DGAT2: variants seen among roughly 807,000 people sequenced by gnomAD.
DGAT2 encodes acyl-CoA retinol O-fatty-acyltransferase.
In DGAT2, 33 loss-of-function variants were observed where a neutral mutation model predicts 48.4. The ratio of observed to expected loss-of-function variants is 0.68; its 90% confidence interval spans 0.52 to 0.91. The LOEUF (loss-of-function observed/expected upper bound fraction) is 0.91, where lower values mean the gene tolerates loss of function less well. DGAT2 is among the 40% of genes least tolerant of loss of function. DGAT2 has a pLI of 0.00. For missense variants in DGAT2, 446 were observed against 493.7 expected (o/e 0.90, Z 0.92); for synonymous variants, 191 against 194.1 (o/e 0.98, Z 0.13).
chr11:75,773,220 C>T (rs191229123), intron 1 of DGAT2, among the ~76,000 whole-genome samples: 1 of 152,358 alleles, frequency 6.6e-6, no homozygotes, highest in East Asian at 1.9e-4. Context: ...TGGGCCTCCT[C>T]TGTCCCTGTA....
In DGAT2 at chr11:75,768,780, C is replaced by A. The variant is rs570891875; in HGVS notation, c.-212C>A. On this transcript the variant is annotated 5_prime_UTR_variant, in exon 1 of 8. Transcript: ENST00000228027. ...GTGTTGCGCTCCGGGACGCCAGCGCCGCGGCTGCCGCCTCTGCTGGGGTCT... is the reference window on the plus strand; with the variant it reads ...GTGTTGCGCTCCGGGACGCCAGCGCAGCGGCTGCCGCCTCTGCTGGGGTCT... 6.3e-5 allele frequency: 31 copies of A among 491,444 alleles called. No individual in the cohort carries two copies. The highest frequency in any genetic ancestry group is 5.8e-4 in the African/African-American group (29 of 49,884). The allele number at this position is 491,444 out of a possible 1,614,324, so 30.4% of individuals were successfully genotyped here. A position where few individuals can be genotyped will look rare whatever the true frequency, so the allele number is the denominator to read the frequency against.
intron 1 of DGAT2, among the ~76,000 whole-genome samples, chr11:75,770,975 T>A (rs1590861216): frequency 6.6e-6 from 1 of 152,306 alleles, no homozygotes; most frequent in East Asian, 1.9e-4. Context: ...TAGACCTGCC[T>A]TCTAGATCCT....
chr11:75,786,776 G>A (rs924472393), intron 2 of DGAT2, among the ~76,000 whole-genome samples: 14 of 152,290 alleles, frequency 9.2e-5, no homozygotes, highest in Middle Eastern at 3.4e-3. Flanking sequence ...AGCAAAGACC[G>A]TGGTGGCCCT....
At chr11:75,769,278 T>G (rs1944732600) in intron 1 of DGAT2, among the ~76,000 whole-genome samples, 166 bp downstream of exon 1, 1 of 152,164 alleles carries the variant, frequency 6.6e-6, no homozygotes, top group South Asian at 2.1e-4. Flanking sequence ...CCAGCTTGTT[T>G]CCCTCATCCG....
rs966019351 is a variant in DGAT2 at position 75,798,279 on chromosome 11, G to A, written c.862G>A (p.Val288Met). The A allele has an allele frequency of 1.9e-6, 3 of 1,614,084 alleles. No homozygotes were observed. Among genetic ancestry groups the A allele is most frequent in the African/African-American group, 1.3e-5 (1 of 74,932 alleles). ...TGGAGAGAATGAAGTGTACAAGCAG[G>A]TGATCTTCGAGGAGGGCTCCTGGGG... is the stretch of plus-strand genomic sequence containing the variant. ...SFGENEVYKQVIFEEGSWGRW... is the reference protein window; with the variant it reads ...SFGENEVYKQMIFEEGSWGRW... The change falls in exon 7 of 8, where the codon GTG becomes ATG. Residue 288 changes from valine to methionine, a missense_variant. Transcript: ENST00000228027.
chr11:75,790,429 G>T (rs78326439), intron 3 of DGAT2, 134 bp downstream of exon 3: 17,193 of 862,754 alleles, frequency 0.02, 220 homozygotes, highest in Non-Finnish European at 0.026. Flanking sequence ...TAGTCCTTTT[G>T]GGGGGAGGTT....
chr11:75,798,788 G>A (rs1945083489), intron 7 of DGAT2, among the ~76,000 whole-genome samples: 1 of 152,174 alleles, frequency 6.6e-6, no homozygotes, highest in East Asian at 1.9e-4. Context: ...CAGGGAGGAG[G>A]TAACTCTTGC....
intron 1 of DGAT2, chr11:75,776,108 A>AC (rs1179245701): frequency 6.6e-6 from 1 of 151,842 alleles, no homozygotes; most frequent in Non-Finnish European, 1.5e-5. Context: ...CCCGACATTA[A>AC]CCACCCTCCA....
At position 75,768,949 on chromosome 11, in the gene DGAT2, T is replaced by G; in HGVS notation, c.-43T>G. 7.0e-7 allele frequency: 1 copy of G among 1,432,810 alleles called. No individual in the cohort carries two copies. The highest frequency in any genetic ancestry group is 2.9e-5 in the East Asian group (1 of 34,650). 88.8% of individuals were successfully genotyped at this position (1,432,810 alleles called of 1,614,324 possible). ...CGGGGCATGGGCCAGGGGCGCGGGG[T>G]GAAGCGGCTTCCCGCGGGGCCGTGA... On this transcript the variant is annotated 5_prime_UTR_variant, in exon 1 of 8. Transcript: ENST00000228027.
intron 1 of DGAT2, among the ~76,000 whole-genome samples, chr11:75,783,257 T>C (rs973645473): frequency 6.6e-6 from 1 of 152,190 alleles, no homozygotes; most frequent in African/African-American, 2.4e-5. Flanking sequence ...GTTTGACTCT[T>C]CTGCTAAACT....
intron 1 of DGAT2, among the ~76,000 whole-genome samples, chr11:75,771,201 G>A (rs1050842504): frequency 1.3e-5 from 2 of 152,182 alleles, no homozygotes; most frequent in African/African-American, 2.4e-5. Context: ...ATGGGTAGGT[G>A]GGTGCATGCT....
At position 75,791,487 on chromosome 11, in the gene DGAT2, G is replaced by T. The variant is rs116777539; in HGVS notation, c.429+756G>T. Among the ~76,000 whole-genome samples, 989 of 152,280 alleles carry T rather than the reference G, an allele frequency of 6.5e-3. 16 individuals are homozygous for T. The highest frequency in any genetic ancestry group is 0.021 in the African/African-American group (868 of 41,546). On this transcript the variant is annotated intron_variant, in intron 4 of 7. Coordinates refer to ENST00000228027, the MANE Select transcript of DGAT2 (RefSeq NM_032564.5). ...AAGCTGTTTTTGTTGGGAGAAAGTT[G>T]CATCATAGGACCCAACCCTCTAATT...
rs563072331 is a variant in DGAT2, at chr11:75,775,469, G to A, written c.121+6357G>A. Among the ~76,000 whole-genome samples, 14 of 152,332 alleles carry A rather than the reference G, an allele frequency of 9.2e-5. No individual in the cohort carries two copies. In the East Asian group the frequency reaches 1.9e-3, roughly 21 times the overall value. On this transcript the variant is annotated intron_variant, in intron 1 of 7. Transcript: ENST00000228027. The stretch of plus-strand genomic sequence containing the variant: ...ATTTGCAAAACAGAACCGTTAAAGC[G>A]AATTGTTAATCTTTTCAGAAAAGAA...
intron 2 of DGAT2, among the ~76,000 whole-genome samples, chr11:75,789,928 C>T (rs1295256875): frequency 6.6e-6 from 1 of 152,184 alleles, no homozygotes; most frequent in South Asian, 2.1e-4. Flanking sequence ...GTGCTCCTGT[C>T]CAGATAACAT....
rs545049048 is a variant in DGAT2 at position 75,784,080 on chromosome 11, G to A, written c.122-538G>A. Reference sequence around the variant, plus strand: ...GTGGTGTTGGGGGTGGGGGCAAGAGGGTTCAGCTCCTTGGAGAAGGGGTAT... The same window carrying A: ...GTGGTGTTGGGGGTGGGGGCAAGAGAGTTCAGCTCCTTGGAGAAGGGGTAT... On this transcript the variant is annotated intron_variant, in intron 1 of 7. Transcript: ENST00000228027. Among the ~76,000 whole-genome samples, 10 of 152,210 alleles carry A rather than the reference G, an allele frequency of 6.6e-5. No individual in the cohort carries two copies. The South Asian group carries it at 1.9e-3, about 28-fold the overall frequency.
chr11:75,769,030 C>T lies in DGAT2; in HGVS notation c.39C>T (p.Arg13=), dbSNP rs1291645209. 1.9e-6 allele frequency: 3 copies of T among 1,576,128 alleles called. No individual in the cohort carries two copies. Among genetic ancestry groups the T allele is most frequent in the Admixed American group, 1.8e-5 (1 of 55,704 alleles). ...TAGCCGCCTACTCCGGGGTCCTGCGCGGCGAGCGTCAGGCCGAGGCTGACC... is the reference window on the plus strand; with the variant it reads ...TAGCCGCCTACTCCGGGGTCCTGCGTGGCGAGCGTCAGGCCGAGGCTGACC... ...TLIAAYSGVL[R]GERQAEADRS... Residue 13 remains arginine, a synonymous_variant, in exon 1 of 8, where the codon CGC becomes CGT. Transcript: ENST00000228027.
chr11:75,790,182 C>T lies in DGAT2; in HGVS notation c.251-6C>T, dbSNP rs1358142297. On this transcript the variant is annotated splice_region_variant and splice_polypyrimidine_tract_variant and intron_variant, in intron 2 of 7. Coordinates refer to ENST00000228027, the MANE Select transcript of DGAT2 (RefSeq NM_032564.5). ...AGGACCTGACCTGTGGCCATCTGCC[C>T]CCCAGGAGTGGCCTGCAGTGCCATC... 2.5e-6 allele frequency: 4 copies of T among 1,610,694 alleles called. No individual in the cohort carries two copies. The highest frequency in any genetic ancestry group is 3.3e-5 in the Admixed American group (2 of 60,022).
At chr11:75,773,243 A>G (rs1451532483) in intron 1 of DGAT2, among the ~76,000 whole-genome samples, 1 of 152,126 alleles carries the variant, frequency 6.6e-6, no homozygotes, top group Non-Finnish European at 1.5e-5. Context: ...CACCTGTGCT[A>G]GGGACTGGGT....
At chr11:75,790,415 G>A in intron 3 of DGAT2, 120 bp downstream of exon 3, 1 of 921,214 alleles carries the variant, frequency 1.1e-6, no homozygotes, top group Non-Finnish European at 1.7e-6. Context: ...GAAAAGCACT[G>A]GACTAGTCCT....
Sources: allele counts gnomAD v4.1 joint callset (sites outside exome capture counted in the v4.1 genomes callset), GRCh38; gene constraint gnomAD v4.1.1; transcripts MANE v1.5; gene names NCBI Gene and HGNC (gene_info 2026-07-23, HGNC 2026-07-21).